MYH11: variants seen among roughly 807,000 people sequenced by gnomAD.
The protein encoded by MYH11 is myosin-11.
Under a neutral mutation model 246.6 loss-of-function variants are expected in MYH11, and 80 were observed. That is an observed-to-expected ratio of 0.32 (90% CI 0.27 to 0.39). The LOEUF is 0.39. MYH11 is among the 10% of genes least tolerant of loss of function. The pLI is 1.00. For missense variants in MYH11, 2,158 were observed against 2,546.8 expected, an observed-to-expected ratio of 0.85 and a Z score of 3.29; for synonymous variants, 1,071 against 1,015.5, an observed-to-expected ratio of 1.05 and a Z score of -1.04.
chr16:15,704,075 A>G lies in MYH11; in HGVS notation c.5835T>C (p.Arg1945=), dbSNP rs1461531096. ...AACCATCTGCATTTTCAATAACTCT[A>G]CGTCCTCCAGACCTTCTAGAAGGAA... ...SFVPSRRSGG[R]RVIENADGSE... is the part of the protein sequence containing the mutation. Residue 1945 remains arginine (R), a synonymous_variant, in exon 41 of 41, where the codon CGT becomes CGC. Coordinates refer to ENST00000300036, the MANE Select transcript of MYH11 (RefSeq NM_002474.3). 11 of 1,613,928 alleles carry G rather than the reference A, an allele frequency of 6.8e-6. No homozygotes were observed. The highest frequency in any genetic ancestry group is 4.0e-5 in the African/African-American group (3 of 74,870).
At chr16:15,710,831 C>T (rs933428687) in intron 40 of MYH11, among the ~76,000 whole-genome samples, 2 of 152,140 alleles carry the variant, frequency 1.3e-5, no homozygotes, top group Middle Eastern at 3.2e-3. Context: ...GCATCTGCCA[C>T]CACGCCTAGC....
intron 1 of MYH11, among the ~76,000 whole-genome samples, chr16:15,850,730 A>G (rs1436920562): frequency 6.6e-6 from 1 of 152,050 alleles, no homozygotes; most frequent in Non-Finnish European, 1.5e-5. Context: ...CCCCATCTCT[A>G]CAGAAAATAC....
chr16:15,717,259 C>T lies in MYH11; in HGVS notation c.5385G>A (p.Lys1795=), dbSNP rs776794802. 7 of 1,614,134 alleles carry T rather than the reference C, an allele frequency of 4.3e-6. No individual in the cohort carries two copies. The highest frequency in any genetic ancestry group is 1.7e-6 in the Non-Finnish European group (2 of 1,180,046). ...SARQQLERQN[K]ELRSKLHEME... ...TCTCGTGGAGCTTGCTCCGGAGCTC[C>T]TTGTTCTGCCGCTCGAGCTGCTGCC... The change falls in exon 38 of 41, where the codon AAG becomes AAA. Residue 1795 remains lysine (K), a synonymous_variant. Transcript: ENST00000300036.
intron 23 of MYH11, 67 bp from the exon 24 acceptor site, chr16:15,738,755 T>G: frequency 2.6e-6 from 4 of 1,562,378 alleles, no homozygotes; most frequent in Non-Finnish European, 3.5e-6. Context: ...TGTTTCACTT[T>G]TAGTGATTTC....
At chr16:15,761,358 C>T (rs1343089234) in intron 10 of MYH11, among the ~76,000 whole-genome samples, 1 of 152,162 alleles carries the variant, frequency 6.6e-6, no homozygotes, top group African/African-American at 2.4e-5. Context: ...GGCAATCCGC[C>T]CACCTCGGCC....
intron 25 of MYH11, 119 bp from the exon 26 acceptor site, chr16:15,735,697 T>C: frequency 1.1e-6 from 1 of 917,316 alleles, no homozygotes; most frequent in Non-Finnish European, 1.8e-6. Flanking sequence ...AAACACCTTC[T>C]ATCCATGTCC....
chr16:15,846,476 G>GT (rs1302626733), intron 1 of MYH11, among the ~76,000 whole-genome samples: 3 of 152,174 alleles, frequency 2.0e-5, no homozygotes, highest in African/African-American at 7.2e-5. Flanking sequence ...AGGACAGAAC[G>GT]TGAGGGGGGC....
chr16:15,718,006 C>G lies in MYH11; in HGVS notation c.5295+309G>C, dbSNP rs1596707881. The G allele has an allele frequency of 1.7e-5, 8 of 469,180 alleles. No individual in the cohort carries two copies. In the East Asian group the frequency reaches 3.3e-4, roughly 20 times the overall value. 29.1% of individuals were successfully genotyped at this position (469,180 alleles called of 1,614,324 possible). A position where few individuals can be genotyped will look rare whatever the true frequency, so the allele number is the denominator to read the frequency against. On this transcript the variant is annotated intron_variant, in intron 37 of 40. Transcript: ENST00000300036. Reference sequence around the variant, plus strand: ...GGCTCACTGGATAAGGTCAGAGCTTCAGCTAGGGGAAAACGCAATGAAAGA... The same window carrying G: ...GGCTCACTGGATAAGGTCAGAGCTTGAGCTAGGGGAAAACGCAATGAAAGA...
chr16:15,795,212 G>A (rs181285473), intron 4 of MYH11, among the ~76,000 whole-genome samples: 1 of 152,226 alleles, frequency 6.6e-6, no homozygotes, highest in Non-Finnish European at 1.5e-5. Flanking sequence ...AGAATTGCTT[G>A]AACCCAGGAG....
At chr16:15,711,611 C>T (rs1596684521) in intron 40 of MYH11, among the ~76,000 whole-genome samples, 1 of 152,244 alleles carries the variant, frequency 6.6e-6, no homozygotes, top group African/African-American at 2.4e-5. Flanking sequence ...CAGCACATGG[C>T]TGTGGTGGTA....
chr16:15,704,007 G>A lies in MYH11; in HGVS notation c.5903C>T (p.Thr1968Ile). The A allele has an allele frequency of 6.2e-7, 1 of 1,614,026 alleles. No individual in the cohort carries two copies. Reference sequence around the variant, plus strand: ...GAAAGTTGCTTATTCACTGGCCTTGGTTCCATTGAAGTCTGCGTCTCGAGT... The same window carrying A: ...GAAAGTTGCTTATTCACTGGCCTTGATTCCATTGAAGTCTGCGTCTCGAGT... ...TDTRDADFNGTKASE is the reference protein window; with the variant it reads ...TDTRDADFNGIKASE The change falls in exon 41 of 41, where the codon ACC becomes ATC. Residue 1968 changes from threonine (T) to isoleucine (I), a missense_variant. By Grantham distance (89) the Thr-to-Ile change is moderately conservative. This residue lies in a region of MYH11 where 1,013 missense variants were observed against 993.5 expected (regional missense o/e 1.02). Coordinates refer to ENST00000300036, the MANE Select transcript of MYH11 (RefSeq NM_002474.3).
chr16:15,786,949 A>G (rs2042484470), intron 4 of MYH11, among the ~76,000 whole-genome samples: 1 of 152,160 alleles, frequency 6.6e-6, no homozygotes, highest in South Asian at 2.1e-4. Flanking sequence ...TCCTTCCAAG[A>G]GGACATAGAA....
intron 2 of MYH11, among the ~76,000 whole-genome samples, chr16:15,832,162 G>A (rs1384507290): frequency 1.3e-5 from 2 of 152,142 alleles, no homozygotes; most frequent in Non-Finnish European, 2.9e-5. Flanking sequence ...ACCTGCTAAA[G>A]TTTGGAAGGA....
intron 27 of MYH11, 104 bp from the exon 28 acceptor site, chr16:15,727,158 A>ACAG (rs1244435816): frequency 1.3e-5 from 12 of 951,432 alleles, no homozygotes; most frequent in Non-Finnish European, 1.8e-5. Context: ...AAGGCACACA[A>ACAG]CAGGGGGCAC....
chr16:15,722,819 C>A (rs1221751046), intron 31 of MYH11, among the ~76,000 whole-genome samples: 1 of 152,198 alleles, frequency 6.6e-6, no homozygotes, highest in Admixed American at 6.5e-5. Flanking sequence ...TGGCTCACTG[C>A]AACCTCCACC....
At chr16:15,765,266 A>G (rs1452038349) in intron 9 of MYH11, among the ~76,000 whole-genome samples, 4 of 152,106 alleles carry the variant, frequency 2.6e-5, no homozygotes, top group Non-Finnish European at 5.9e-5. Flanking sequence ...GGATAGATGG[A>G]TGAATAGAGG....
intron 27 of MYH11, among the ~76,000 whole-genome samples, chr16:15,730,598 G>A (rs953631515): frequency 2.0e-5 from 3 of 151,988 alleles, no homozygotes; most frequent in African/African-American, 7.3e-5. Flanking sequence ...GTGCAACAAC[G>A]GACCAATACA....
chr16:15,721,679 C>A, intron 31 of MYH11, 45 bp from the exon 32 acceptor site: 5 of 1,599,024 alleles, frequency 3.1e-6, no homozygotes, highest in Non-Finnish European at 4.3e-6. Flanking sequence ...TATCCGGGGT[C>A]AGCGTCACTG....
intron 9 of MYH11, among the ~76,000 whole-genome samples, chr16:15,765,244 C>T (rs534775647): frequency 6.0e-5 from 9 of 150,990 alleles, no homozygotes; most frequent in East Asian, 2.0e-4. Context: ...GAATGATGGA[C>T]GGATGAGTAG....
Sources: gnomAD v4.1 joint callset for allele counts (sites outside exome capture counted in the v4.1 genomes callset) on GRCh38, gnomAD v4.1.1 for gene constraint, gnomAD v4.1.1 regional missense constraint, MANE v1.5 for transcripts, NCBI Gene and HGNC (gene_info 2026-07-23, HGNC 2026-07-21) for gene names.